Variants in ANKRD17 observed in about 807,000 individuals in gnomAD.
ANKRD17 encodes ankyrin repeat domain-containing protein 17.
In ANKRD17, 19 loss-of-function variants were observed where a neutral mutation model predicts 229.7. That is an observed-to-expected ratio of 0.08 (90% CI 0.06 to 0.12). The LOEUF (loss-of-function observed/expected upper bound fraction) is 0.12, where lower values mean the gene tolerates loss of function less well. Ranked by LOEUF, ANKRD17 falls within the 10% of genes least tolerant of loss-of-function variation. ANKRD17 has a pLI of 1.00. For missense variants in ANKRD17, 2,176 were observed against 3,176.8 expected (o/e 0.68, Z 7.57); for synonymous variants, 1,112 against 1,146.1 (o/e 0.97, Z 0.60).
At chr4:73,208,181 T>C (rs1488986746) in intron 1 of ANKRD17, among the ~76,000 whole-genome samples, 17 of 92,838 alleles carry the variant, frequency 1.8e-4, no homozygotes, top group Non-Finnish European at 2.2e-4. Context: ...ACAGCGAGAC[T>C]CCGTCTCAAA....
chr4:73,183,538 C>T (rs1251503142), intron 1 of ANKRD17, among the ~76,000 whole-genome samples: 1 of 152,110 alleles, frequency 6.6e-6, no homozygotes, highest in South Asian at 2.1e-4. Flanking sequence ...ACTGCAGCCT[C>T]TGGCCTCCTG....
intron 2 of ANKRD17, among the ~76,000 whole-genome samples, chr4:73,165,304 T>C (rs1733084565): frequency 6.6e-6 from 1 of 152,142 alleles, no homozygotes; most frequent in Non-Finnish European, 1.5e-5. Flanking sequence ...AAGTTTTCAT[T>C]GCCAAACTAA....
Position 73,139,648 on chromosome 4 carries a change from G to A in ANKRD17, c.2968C>T (p.Leu990=). The A allele has an allele frequency of 6.2e-7, 1 of 1,614,132 alleles. No homozygotes were observed. The highest frequency in any genetic ancestry group is 8.5e-7 in the Non-Finnish European group (1 of 1,180,020). The change falls in exon 15 of 34, where the codon CTG becomes TTG. Residue 990 remains leucine, a synonymous_variant. Transcript: ENST00000358602. ...LQGVIVGQPV[L]GQAQLAGLGQ... ...AGCCCTGCCAACTGTGCTTGGCCCA[G>A]TACTGGCTGTCCAACTATCACTCCT...
intron 2 of ANKRD17, among the ~76,000 whole-genome samples, chr4:73,175,482 A>G (rs1734615699): frequency 6.6e-6 from 1 of 152,202 alleles, no homozygotes; most frequent in South Asian, 2.1e-4. Context: ...ACCTCAAAAG[A>G]TCCAGAATAG....
intron 1 of ANKRD17, among the ~76,000 whole-genome samples, chr4:73,185,667 A>G (rs894661377): frequency 8.5e-5 from 13 of 152,212 alleles, no homozygotes; most frequent in African/African-American, 3.1e-4. Flanking sequence ...ACATAAATCC[A>G]TAACTAACAC....
At chr4:73,113,691 A>G in intron 24 of ANKRD17, 101 bp downstream of exon 24, 1 of 965,782 alleles carries the variant, frequency 1.0e-6, no homozygotes, top group South Asian at 1.4e-5. Context: ...TACGTAATTT[A>G]AAGCAAACAA....
intron 1 of ANKRD17, among the ~76,000 whole-genome samples, chr4:73,218,072 C>A (rs1013430442): frequency 1.3e-5 from 2 of 152,082 alleles, no homozygotes; most frequent in Admixed American, 6.5e-5. Context: ...CACGCGTATG[C>A]TGGTTTATAG....
intron 24 of ANKRD17, chr4:73,104,096 G>C (rs941872894): frequency 6.6e-6 from 1 of 152,140 alleles, no homozygotes; most frequent in Non-Finnish European, 1.5e-5. Flanking sequence ...CCAGCAAATC[G>C]ATTTTAGGAA....
Position 73,140,200 on chromosome 4 carries a change from T to C in ANKRD17, c.2416A>G (p.Ser806Gly). The change falls in exon 15 of 34, where the codon AGC becomes GGC. Residue 806 changes from serine to glycine, a missense_variant. Transcript: ENST00000358602. ...QGYITNQSPE[S>G]IVEEAQGKLT... Reference sequence around the variant, plus strand: ...TTTCCCTGAGCCTCTTCTACAATGCTCTCTGGAGACTGATTGGTGATGTAA... The same window carrying C: ...TTTCCCTGAGCCTCTTCTACAATGCCCTCTGGAGACTGATTGGTGATGTAA... 1 of 1,614,038 alleles carries C rather than the reference T, an allele frequency of 6.2e-7. No individual in the cohort carries two copies. Among genetic ancestry groups the C allele is most frequent in the Non-Finnish European group, 8.5e-7 (1 of 1,180,000 alleles).
chr4:73,156,564 T>C (rs764277804), intron 3 of ANKRD17, among the ~76,000 whole-genome samples: 2 of 152,184 alleles, frequency 1.3e-5, no homozygotes, highest in Non-Finnish European at 2.9e-5. Flanking sequence ...CTTGCTGTTC[T>C]CATGATAATG....
intron 1 of ANKRD17, among the ~76,000 whole-genome samples, chr4:73,179,486 G>GTATA (rs1391988983): frequency 4.8e-4 from 29 of 59,970 alleles, no homozygotes; most frequent in Admixed American, 8.0e-4. Flanking sequence ...GTGTGTGTGT[G>GTATA]TGTATATATA....
chr4:73,167,295 G>GA (rs1368107416), intron 2 of ANKRD17, among the ~76,000 whole-genome samples: 3 of 152,108 alleles, frequency 2.0e-5, no homozygotes, highest in Non-Finnish European at 4.4e-5. Flanking sequence ...GAGGAAAAGT[G>GA]AAAGAGAGGT....
chr4:73,163,414 C>T (rs1014263969), intron 2 of ANKRD17, among the ~76,000 whole-genome samples: 27 of 152,138 alleles, frequency 1.8e-4, no homozygotes, highest in African/African-American at 3.9e-4. Context: ...TCAGGCCCTA[C>T]GATGTACTGA....
chr4:73,205,699 G>A (rs1323293334), intron 1 of ANKRD17, among the ~76,000 whole-genome samples: 1 of 152,156 alleles, frequency 6.6e-6, no homozygotes, highest in Non-Finnish European at 1.5e-5. Context: ...TTTTGGATAT[G>A]ACTCCAAAAG....
intron 10 of ANKRD17, among the ~76,000 whole-genome samples, chr4:73,145,704 G>C (rs1730179342): frequency 6.6e-6 from 1 of 151,968 alleles, no homozygotes. Context: ...CACTGAAGAA[G>C]CTCTAAGTCT....
Position 73,258,522 on chromosome 4 carries a change from C to T in ANKRD17, c.147G>A (p.Ser49=). Residue 49 remains serine (S), a synonymous_variant, in exon 1 of 34, where the codon TCG becomes TCA. Coordinates refer to ENST00000358602, the MANE Select transcript of ANKRD17 (RefSeq NM_032217.5). ...VGGSSRARSA[S]SPRGMVRVCD... ...AGACTCGCACCATCCCACGAGGAGACGAGGCCGAGCGAGCTCTGCTGCTGC... is the reference window on the plus strand; with the variant it reads ...AGACTCGCACCATCCCACGAGGAGATGAGGCCGAGCGAGCTCTGCTGCTGC... 6.5e-7 allele frequency: 1 copy of T among 1,536,494 alleles called. No individual in the cohort carries two copies.
At chr4:73,230,920 A>G (rs1742984282) in intron 1 of ANKRD17, among the ~76,000 whole-genome samples, 1 of 152,204 alleles carries the variant, frequency 6.6e-6, no homozygotes, top group South Asian at 2.1e-4. Context: ...CAAAACTGAT[A>G]AAATATTTAT....
chr4:73,086,919 A>AAATATATATATATATATATATAT (rs1553911000), intron 29 of ANKRD17, among the ~76,000 whole-genome samples: 1 of 12,464 alleles, frequency 8.0e-5, no homozygotes, highest in African/African-American at 2.6e-4. Flanking sequence ...AAAAAAAAAA[A>AAATATATATATATATATATATAT]ATATATATAT....
chr4:73,146,938 T>TA, intron 9 of ANKRD17, 65 bp from the exon 10 acceptor site: 1 of 1,322,700 alleles, frequency 7.6e-7, no homozygotes, highest in Non-Finnish European at 1.1e-6. Flanking sequence ...ATGACGAAAA[T>TA]AAAAACTTCT....
Sources: allele counts gnomAD v4.1 joint callset (sites outside exome capture counted in the v4.1 genomes callset), GRCh38; gene constraint gnomAD v4.1.1; transcripts MANE v1.5; gene names NCBI Gene and HGNC (gene_info 2026-07-23, HGNC 2026-07-21).